SEMA5B: variants seen among roughly 807,000 people sequenced by gnomAD.
The protein encoded by SEMA5B is semaphorin 5B, also known as semaphorin-5B.
A neutral mutation model predicts 135.0 loss-of-function variants in SEMA5B; 66 were observed. That is an observed-to-expected ratio of 0.49 (90% CI 0.40 to 0.60). The LOEUF is 0.60. Ranked by LOEUF, SEMA5B falls within the 20% of genes least tolerant of loss-of-function variation. The probability of loss-of-function intolerance (pLI) is 0.00; values close to 1 mark genes in which losing one functional copy is unlikely to be tolerated. For synonymous variants in SEMA5B, 690 were observed against 639.5 expected (o/e 1.08, Z -1.19); for missense variants, 1,501 against 1,566.3 (o/e 0.96, Z 0.70).
At chr3:122,970,715 CT>C (rs774012512) in intron 1 of SEMA5B, among the ~76,000 whole-genome samples, 22 of 152,188 alleles carry the variant, frequency 1.4e-4, no homozygotes, top group Non-Finnish European at 2.9e-4. Context: ...ATTATTGCCC[CT>C]ACTTTACTGC....
intron 1 of SEMA5B, among the ~76,000 whole-genome samples, chr3:122,999,014 C>T (rs1392274639): frequency 6.6e-6 from 1 of 152,170 alleles, no homozygotes; most frequent in Admixed American, 6.5e-5. Flanking sequence ...GCAGGTGACT[C>T]AACCAAGGTC....
intron 1 of SEMA5B, among the ~76,000 whole-genome samples, chr3:123,023,322 G>GCACACACACACACA (rs3080430): frequency 2.4e-4 from 35 of 144,034 alleles, no homozygotes; most frequent in African/African-American, 8.1e-4. Context: ...ACTATTTCCA[G>GCACACACACACACA]CACACACACA....
At chr3:122,999,122 G>A (rs1867532) in intron 1 of SEMA5B, among the ~76,000 whole-genome samples, 26,419 of 152,194 alleles carry the variant, frequency 0.17, 4,017 homozygotes, top group African/African-American at 0.41. Flanking sequence ...CTAAGGGAAA[G>A]CAATGCCACC....
At chr3:123,001,903 A>G (rs915616316) in intron 1 of SEMA5B, among the ~76,000 whole-genome samples, 1 of 152,214 alleles carries the variant, frequency 6.6e-6, no homozygotes, top group Non-Finnish European at 1.5e-5. Flanking sequence ...TCCAAAAGCA[A>G]TGTAAAACAC....
chr3:123,014,186 C>G (rs1194786424), intron 1 of SEMA5B, among the ~76,000 whole-genome samples: 1 of 152,204 alleles, frequency 6.6e-6, no homozygotes, highest in Non-Finnish European at 1.5e-5. Context: ...GTGGGCCACA[C>G]AGTCCTCACT....
intron 18 of SEMA5B, 122 bp downstream of exon 18, chr3:122,912,721 G>T: frequency 1.0e-6 from 1 of 978,138 alleles, no homozygotes; most frequent in Non-Finnish European, 1.5e-6. Context: ...CCCTAGCACA[G>T]AGTTGGCAGG....
At chr3:122,945,939 G>T (rs1009657796) in intron 3 of SEMA5B, among the ~76,000 whole-genome samples, 1 of 152,090 alleles carries the variant, frequency 6.6e-6, no homozygotes. Context: ...GAGAGAAGGA[G>T]CCGGGCATAG....
intron 1 of SEMA5B, among the ~76,000 whole-genome samples, chr3:122,978,548 T>C (rs1941412521): frequency 6.6e-6 from 1 of 151,814 alleles, no homozygotes; most frequent in Non-Finnish European, 1.5e-5. Context: ...TACAGCTAAA[T>C]AGGTAACTGC....
intron 1 of SEMA5B, among the ~76,000 whole-genome samples, chr3:123,016,869 A>G (rs925981392): frequency 3.4e-5 from 5 of 147,608 alleles, no homozygotes; most frequent in African/African-American, 5.0e-5. Flanking sequence ...AGTGTGAGCC[A>G]CTGTGCCTGG....
At chr3:122,916,640 T>G (rs1938088983) in intron 12 of SEMA5B, among the ~76,000 whole-genome samples, 1 of 152,132 alleles carries the variant, frequency 6.6e-6, no homozygotes, top group East Asian at 1.9e-4. Context: ...CCCTCACACT[T>G]CTGCTTCCCA....
intron 14 of SEMA5B, among the ~76,000 whole-genome samples, chr3:122,914,252 G>A (rs1937945166): frequency 6.6e-6 from 1 of 152,202 alleles, no homozygotes; most frequent in African/African-American, 2.4e-5. Flanking sequence ...GGACGTAGAG[G>A]TAGGACATGG....
intron 22 of SEMA5B, 46 bp downstream of exon 22, chr3:122,910,794 A>T: frequency 2.8e-6 from 4 of 1,437,452 alleles, no homozygotes; most frequent in Non-Finnish European, 3.8e-6. Flanking sequence ...TGGGCGACAG[A>T]GTGAGACTCC....
Position 122,976,269 on chromosome 3 carries a change from G to A in SEMA5B, c.-38-14968C>T, listed in dbSNP as rs936730496. On this transcript the variant is annotated intron_variant, in intron 1 of 22. Transcript: ENST00000357599. ...ATGCAAATTCTCAGGCCTCACCCCA[G>A]ACCTACTAGATCAGAAAGTCTGGGG... 15 of 1,035,024 alleles carry A rather than the reference G, an allele frequency of 1.4e-5. No homozygotes were observed. In the East Asian group the frequency reaches 3.7e-4, roughly 25 times the overall value. The allele number at this position is 1,035,024 out of a possible 1,614,324, so 64.1% of individuals were successfully genotyped here. A position where few individuals can be genotyped will look rare whatever the true frequency, so the allele number is the denominator to read the frequency against.
At chr3:123,028,179 C>T (rs1942853835), upstream of SEMA5B, among the ~76,000 whole-genome samples, 1 of 152,216 alleles carries the variant, frequency 6.6e-6, no homozygotes, top group African/African-American at 2.4e-5. Context: ...GGAAGCTCCC[C>T]CAAACCCCAC....
Position 122,935,325 on chromosome 3 carries a change from G to T in SEMA5B, c.474+4100C>A, listed in dbSNP as rs79089991. Among the ~76,000 whole-genome samples the T allele has an allele frequency of 1.6e-4, 25 of 152,248 alleles. No homozygotes were observed. The East Asian group carries it at 4.6e-3, about 28-fold the overall frequency. ...GCCTGGAAGTGGGGCTGGGGGAGCA[G>T]GGGGTGGGAGGAGGAAGTAGACTTT... is the stretch of plus-strand genomic sequence containing the variant. On this transcript the variant is annotated intron_variant, in intron 5 of 22. Transcript: ENST00000357599.
intron 1 of SEMA5B, among the ~76,000 whole-genome samples, chr3:122,982,694 C>T (rs1252089261): frequency 1.3e-5 from 2 of 152,146 alleles, no homozygotes; most frequent in Non-Finnish European, 2.9e-5. Context: ...TGCACCACCC[C>T]CCACCCCCCA....
chr3:122,945,603 C>G (rs1939750233), intron 3 of SEMA5B, among the ~76,000 whole-genome samples: 1 of 152,080 alleles, frequency 6.6e-6, no homozygotes, highest in East Asian at 1.9e-4. Context: ...TTCCCTGTCC[C>G]TATGAGACTG....
intron 19 of SEMA5B, 23 bp from the exon 20 acceptor site, chr3:122,912,092 G>T: frequency 6.2e-7 from 1 of 1,601,424 alleles, no homozygotes; most frequent in Non-Finnish European, 8.5e-7. Context: ...GGTAGGATGA[G>T]GTTAACTGCC....
At chr3:122,963,044 T>C (rs1940655622) in intron 1 of SEMA5B, among the ~76,000 whole-genome samples, 1 of 152,194 alleles carries the variant, frequency 6.6e-6, no homozygotes, top group Non-Finnish European at 1.5e-5. Context: ...GAGTCGTATG[T>C]GTGTCTGTGT....
Sources: gnomAD v4.1 joint callset for allele counts (sites outside exome capture counted in the v4.1 genomes callset) on GRCh38, gnomAD v4.1.1 for gene constraint, MANE v1.5 for transcripts, NCBI Gene and HGNC (gene_info 2026-07-23, HGNC 2026-07-21) for gene names.